The following NRXN1 variants were observed in gnomAD, a reference collection of about 807,000 sequenced individuals.
NRXN1 encodes the protein neurexin 1.
NRXN1 carries 39 observed loss-of-function variants against 150.9 expected under a neutral mutation model. The observed-to-expected ratio is 0.26, with a 90% confidence interval of 0.20 to 0.34. The LOEUF (loss-of-function observed/expected upper bound fraction) is 0.34, where lower values mean the gene tolerates loss of function less well. Ranked by LOEUF, NRXN1 falls within the 10% of genes least tolerant of loss-of-function variation. The probability of loss-of-function intolerance (pLI) is 1.00; values close to 1 mark genes in which losing one functional copy is unlikely to be tolerated. For missense variants in NRXN1, 1,815 were observed against 1,949.9 expected (o/e 0.93, Z 1.30); for synonymous variants, 924 against 757.0 (o/e 1.22, Z -3.62).
intron 17 of NRXN1, among the ~76,000 whole-genome samples, chr2:50,383,295 G>A (rs1468711515): frequency 6.6e-6 from 1 of 152,018 alleles, no homozygotes; most frequent in Non-Finnish European, 1.5e-5. Flanking sequence ...CAGGTATCAC[G>A]CGGCCTGTTT....
intron 17 of NRXN1, among the ~76,000 whole-genome samples, chr2:50,245,163 T>C (rs1322675513): frequency 6.6e-6 from 1 of 151,956 alleles, no homozygotes; most frequent in African/African-American, 2.4e-5. Context: ...TTGAGTTCAA[T>C]AGTTTGAGCT....
chr2:50,889,145 G>T (rs1349469550), intron 5 of NRXN1, among the ~76,000 whole-genome samples: 1 of 151,594 alleles, frequency 6.6e-6, no homozygotes, highest in Non-Finnish European at 1.5e-5. Context: ...GATTGGCAAA[G>T]AATTTTAGCT....
intron 21 of NRXN1, among the ~76,000 whole-genome samples, chr2:50,039,821 G>A (rs2152575851): frequency 6.6e-6 from 1 of 152,194 alleles, no homozygotes; most frequent in South Asian, 2.1e-4. Context: ...CAAAACTATA[G>A]AAAACAAATA....
chr2:49,999,506 T>C (rs2152531662), intron 21 of NRXN1, among the ~76,000 whole-genome samples: 1 of 152,312 alleles, frequency 6.6e-6, no homozygotes, highest in South Asian at 2.1e-4. Context: ...AAAATGGTTG[T>C]TGAATAACTG....
intron 5 of NRXN1, among the ~76,000 whole-genome samples, chr2:50,814,715 C>T (rs1013387867): frequency 6.6e-6 from 1 of 151,996 alleles, no homozygotes; most frequent in Admixed American, 6.6e-5. Context: ...ATTAAATCCC[C>T]CCACAAAAAG....
At chr2:50,828,472 C>T (rs1455226726) in intron 5 of NRXN1, among the ~76,000 whole-genome samples, 8 of 150,304 alleles carry the variant, frequency 5.3e-5, no homozygotes, top group African/African-American at 1.5e-4. Flanking sequence ...ACTTCTCAGA[C>T]GGGGCGGTTG....
At chr2:50,248,420 TA>T (rs2066714117) in intron 17 of NRXN1, among the ~76,000 whole-genome samples, 1 of 152,174 alleles carries the variant, frequency 6.6e-6, no homozygotes, top group African/African-American at 2.4e-5. Flanking sequence ...TGTTTGGCTA[TA>T]AAAACAGGAG....
chr2:49,929,275 G>A (rs1669702844), intron 22 of NRXN1, among the ~76,000 whole-genome samples: 2 of 152,134 alleles, frequency 1.3e-5, no homozygotes, highest in South Asian at 4.1e-4. Flanking sequence ...TATGACCTTG[G>A]TGACACTGAA....
chr2:50,358,253 G>C (rs542226645), intron 17 of NRXN1, among the ~76,000 whole-genome samples: 2 of 152,280 alleles, frequency 1.3e-5, no homozygotes, highest in African/African-American at 4.8e-5. Context: ...CCTGGAAAGG[G>C]GGATGAAGCC....
chr2:50,876,987 C>T (rs1294797478), intron 5 of NRXN1, among the ~76,000 whole-genome samples: 1 of 151,784 alleles, frequency 6.6e-6, no homozygotes, highest in Non-Finnish European at 1.5e-5. Context: ...TTATTTTCTT[C>T]CTCCACATAT....
intron 17 of NRXN1, among the ~76,000 whole-genome samples, chr2:50,238,889 A>C (rs894527439): frequency 7.9e-5 from 12 of 152,018 alleles, no homozygotes; most frequent in African/African-American, 2.7e-4. Context: ...ATACTGTTAA[A>C]ATGCAAAGCT....
intron 8 of NRXN1, among the ~76,000 whole-genome samples, chr2:50,561,481 G>C (rs1031378221): frequency 1.3e-5 from 2 of 151,994 alleles, no homozygotes; most frequent in Non-Finnish European, 2.9e-5. Flanking sequence ...AGGCTAGAAG[G>C]CTATCCAAGT....
chr2:50,293,666 G>A (rs1276350846), intron 17 of NRXN1, among the ~76,000 whole-genome samples: 1 of 152,156 alleles, frequency 6.6e-6, no homozygotes, highest in Non-Finnish European at 1.5e-5. Flanking sequence ...CATAGGAAAT[G>A]AGCGGTCTGT....
chr2:50,433,314 A>G (rs902159739), intron 17 of NRXN1, among the ~76,000 whole-genome samples: 5 of 152,220 alleles, frequency 3.3e-5, no homozygotes, highest in Non-Finnish European at 5.9e-5. Flanking sequence ...TCTGATTCAC[A>G]TGTCAATAAA....
At chr2:50,979,513 G>A (rs1242532769) in intron 2 of NRXN1, among the ~76,000 whole-genome samples, 1 of 152,012 alleles carries the variant, frequency 6.6e-6, no homozygotes, top group Non-Finnish European at 1.5e-5. Flanking sequence ...TGACAATGGA[G>A]GATATAACCT....
At chr2:50,888,332 C>A (rs190394451) in intron 5 of NRXN1, among the ~76,000 whole-genome samples, 2 of 151,612 alleles carry the variant, frequency 1.3e-5, no homozygotes, top group South Asian at 2.1e-4. Context: ...TAATTGGAGG[C>A]AGGTGAAATT....
intron 5 of NRXN1, among the ~76,000 whole-genome samples, chr2:50,785,237 A>G (rs1367733622): frequency 6.6e-6 from 1 of 150,752 alleles, no homozygotes; most frequent in South Asian, 2.1e-4. Flanking sequence ...ACTCTGAGAA[A>G]ATACACTTTT....
At chr2:49,939,248 C>T (rs920081906) in intron 22 of NRXN1, among the ~76,000 whole-genome samples, 3 of 152,070 alleles carry the variant, frequency 2.0e-5, no homozygotes, top group Non-Finnish European at 2.9e-5. Flanking sequence ...AGAAAAATCA[C>T]GGAAGCTGTA....
At chr2:50,133,757 G>T (rs1255147454) in intron 18 of NRXN1, among the ~76,000 whole-genome samples, 1 of 152,062 alleles carries the variant, frequency 6.6e-6, no homozygotes, top group Non-Finnish European at 1.5e-5. Flanking sequence ...AAGGGTCTTG[G>T]TTATCATCTG....
Sources: allele counts gnomAD v4.1 joint callset (sites outside exome capture counted in the v4.1 genomes callset), GRCh38; gene constraint gnomAD v4.1.1; transcripts MANE v1.5; gene names NCBI Gene and HGNC (gene_info 2026-07-23, HGNC 2026-07-21).